USP31: variants seen among roughly 807,000 people sequenced by gnomAD.
The protein encoded by USP31 is ubiquitin specific peptidase 31.
Under a neutral mutation model 119.4 loss-of-function variants are expected in USP31, and 44 were observed. The observed-to-expected ratio is 0.37, with a 90% CI of 0.29 to 0.47. USP31 has a LOEUF of 0.47. Among genes scored for constraint, USP31 ranks in the 20% least tolerant of loss-of-function variants. The pLI is 0.99. For synonymous variants in USP31, 749 were observed against 705.6 expected (o/e 1.06, Z -0.97); for missense variants, 1,643 against 1,730.2 (o/e 0.95, Z 0.89).
At position 23,073,819 on chromosome 16, in the gene USP31, C is replaced by T. The variant is rs755712033; in HGVS notation, c.2238G>A (p.Gln746=). Residue 746 remains glutamine (Q), a synonymous_variant, in exon 14 of 16, where the codon CAG becomes CAA. Coordinates refer to ENST00000219689, the MANE Select transcript of USP31 (RefSeq NM_020718.4). The stretch of plus-strand genomic sequence containing the variant: ...GCGTGCAGACCTCATCTTCTGACAG[C>T]TGCTGCACATCGCTGTCATCGAAGC... ...WYCFDDSDVQ[Q]LSEDEVCTQT... The T allele has an allele frequency of 5.0e-6, 8 of 1,614,036 alleles. No homozygotes were observed. The highest frequency in any genetic ancestry group is 1.6e-4 in the Middle Eastern group (1 of 6,080).
At chr16:23,087,379 A>G (rs1467438331) in intron 8 of USP31, among the ~76,000 whole-genome samples, 193 bp from the exon 9 acceptor site, 1 of 152,248 alleles carries the variant, frequency 6.6e-6, no homozygotes, top group Non-Finnish European at 1.5e-5. Flanking sequence ...CGATTTACGT[A>G]TCAAATATGT....
At chr16:23,141,381 A>ATTTT (rs35803209) in intron 1 of USP31, among the ~76,000 whole-genome samples, 1 of 145,574 alleles carries the variant, frequency 6.9e-6, no homozygotes, top group Admixed American at 6.9e-5. Flanking sequence ...TTATACAATA[A>ATTTT]TTTTTTTTTT....
Position 23,069,289 on chromosome 16 carries a change from C to T in USP31, c.2816G>A (p.Arg939Gln), listed in dbSNP as rs147004457. 3.7e-6 allele frequency: 6 copies of T among 1,611,134 alleles called. No homozygotes were observed. The highest frequency in any genetic ancestry group is 5.1e-6 in the Non-Finnish European group (6 of 1,178,548). The change falls in exon 16 of 16, where the codon CGG (arginine) becomes CAG (glutamine). Residue 939 changes from arginine (R) to glutamine (Q), a missense_variant. Coordinates refer to ENST00000219689, the MANE Select transcript of USP31 (RefSeq NM_020718.4). ...GCCTTCCATGACAGCCAGAGGGGCC[C>T]GGCCCACAGCCTTGTGCTCACGGCG... ...HSRREHKAVG[R>Q]APLAVMEGVF...
chr16:23,084,785 T>C lies in USP31; in HGVS notation c.1830+75A>G, dbSNP rs901291744. On this transcript the variant is annotated intron_variant, in intron 11 of 15. Coordinates refer to ENST00000219689, the MANE Select transcript of USP31 (RefSeq NM_020718.4). ...GCGGCGACTTCTGGGGCGTGATTTG[T>C]TTCTCCACTATCACCTTGCCATGCC... is the stretch of plus-strand genomic sequence containing the variant. 5.7e-6 allele frequency: 9 copies of C among 1,578,734 alleles called. No individual in the cohort carries two copies. The Admixed American group carries it at 1.2e-4, about 22-fold the overall frequency.
chr16:23,088,295 C>A (rs893247876), intron 7 of USP31, among the ~76,000 whole-genome samples: 1 of 152,196 alleles, frequency 6.6e-6, no homozygotes, highest in Non-Finnish European at 1.5e-5. Flanking sequence ...AGCTCCAGAG[C>A]TATGTCCCAC....
intron 8 of USP31, 94 bp downstream of exon 8, chr16:23,087,630 A>T (rs1901166234): frequency 1.7e-6 from 2 of 1,185,650 alleles, no homozygotes; most frequent in African/African-American, 1.5e-5. Flanking sequence ...AGTCCTGGAA[A>T]TCTAAACACA....
intron 1 of USP31, among the ~76,000 whole-genome samples, chr16:23,138,104 TG>T (rs1486560285): frequency 6.6e-6 from 1 of 152,222 alleles, no homozygotes; most frequent in African/African-American, 2.4e-5. Flanking sequence ...GTTGAAGCTC[TG>T]CCCCTGCAAA....
intron 13 of USP31, 93 bp downstream of exon 13, chr16:23,079,853 G>A (rs1900738323): frequency 2.5e-6 from 3 of 1,217,056 alleles, no homozygotes; most frequent in Admixed American, 3.0e-5. Flanking sequence ...CTACCGGAGG[G>A]GAAATGAGGC....
At chr16:23,071,668 G>A (rs1047980396) in intron 15 of USP31, among the ~76,000 whole-genome samples, 4 of 151,370 alleles carry the variant, frequency 2.6e-5, no homozygotes, top group Non-Finnish European at 1.5e-5. Context: ...GCCTGGAGCC[G>A]ACTCCCCACC....
chr16:23,095,517 G>A (rs1205427327), intron 6 of USP31, among the ~76,000 whole-genome samples: 3 of 152,080 alleles, frequency 2.0e-5, no homozygotes, highest in African/African-American at 2.4e-5. Context: ...GATACTCCTC[G>A]AGAAGAACAA....
intron 1 of USP31, among the ~76,000 whole-genome samples, chr16:23,133,560 G>A (rs1903094126): frequency 6.6e-6 from 1 of 152,184 alleles, no homozygotes. Context: ...ATCCTTGGAA[G>A]AATGTATGAA....
intron 6 of USP31, among the ~76,000 whole-genome samples, chr16:23,095,495 G>C (rs1007717713): frequency 6.6e-6 from 1 of 152,044 alleles, no homozygotes; most frequent in African/African-American, 2.4e-5. Context: ...GAAATATAGA[G>C]AACACCACAA....
chr16:23,128,339 C>T (rs1357529946), intron 1 of USP31, among the ~76,000 whole-genome samples: 1 of 152,148 alleles, frequency 6.6e-6, no homozygotes, highest in Non-Finnish European at 1.5e-5. Context: ...CTAGTACAGT[C>T]TCAAAACGAC....
intron 6 of USP31, among the ~76,000 whole-genome samples, chr16:23,100,679 T>G (rs1901811288): frequency 6.6e-6 from 1 of 151,968 alleles, no homozygotes. Flanking sequence ...AGGCTAAGGT[T>G]GCGGTGAGCC....
intron 1 of USP31, among the ~76,000 whole-genome samples, chr16:23,119,343 C>G (rs1902595947): frequency 6.6e-6 from 1 of 152,180 alleles, no homozygotes; most frequent in African/African-American, 2.4e-5. Context: ...AGTGAGCCGC[C>G]TGCCTCAGCC....
At chr16:23,123,201 C>T (rs1220141822) in intron 1 of USP31, among the ~76,000 whole-genome samples, 1 of 152,134 alleles carries the variant, frequency 6.6e-6, no homozygotes, top group Non-Finnish European at 1.5e-5. Context: ...TGTACACTAA[C>T]GCCATATATA....
intron 1 of USP31, among the ~76,000 whole-genome samples, chr16:23,141,929 C>A (rs533980345): frequency 9.2e-5 from 14 of 152,288 alleles, no homozygotes; most frequent in African/African-American, 3.4e-4. Flanking sequence ...TTTCTACTTA[C>A]ACTTTCATAC....
intron 1 of USP31, among the ~76,000 whole-genome samples, chr16:23,130,414 C>A (rs909735043): frequency 1.8e-4 from 28 of 151,542 alleles, no homozygotes; most frequent in Non-Finnish European, 1.9e-4. Context: ...AGTGACACCC[C>A]CCCCCCAACT....
intron 1 of USP31, among the ~76,000 whole-genome samples, chr16:23,115,093 G>A (rs143019818): frequency 6.6e-6 from 1 of 152,264 alleles, no homozygotes; most frequent in East Asian, 1.9e-4. Context: ...TTCATCAAAT[G>A]AGCAGATAAG....
Sources: gnomAD v4.1 joint callset for allele counts (sites outside exome capture counted in the v4.1 genomes callset) on GRCh38, gnomAD v4.1.1 for gene constraint, MANE v1.5 for transcripts, NCBI Gene and HGNC (gene_info 2026-07-23, HGNC 2026-07-21) for gene names.